EXOSC4: variants seen among roughly 807,000 people sequenced by gnomAD.
The protein encoded by EXOSC4 is exosome component 4.
EXOSC4 carries 14 observed loss-of-function variants against 20.0 expected under a neutral mutation model. The observed-to-expected ratio is 0.70, with a 90% CI of 0.46 to 1.09. EXOSC4 has a LOEUF of 1.09. EXOSC4 is among the 50% of genes least tolerant of loss of function. The pLI is 0.00. For missense variants in EXOSC4, 337 were observed against 334.0 expected, an observed-to-expected ratio of 1.01 and a Z score of -0.07; for synonymous variants, 148 against 146.4, an observed-to-expected ratio of 1.01 and a Z score of -0.08.
upstream of EXOSC4, among the ~76,000 whole-genome samples, chr8:144,077,282 G>C (rs1229614053): frequency 6.6e-6 from 1 of 152,056 alleles, no homozygotes; most frequent in Non-Finnish European, 1.5e-5. Context: ...CGAAAAAAAC[G>C]ATGACTCAGT....
Position 144,078,973 on chromosome 8 carries a change from G to A in EXOSC4, c.171+74G>A. On this transcript the variant is annotated intron_variant, in intron 1 of 2. Transcript: ENST00000316052. This position sits in a 1 kb window ranked among gnomAD's most constrained non-coding sequence, Gnocchi z 4.7. ...GGCAGCCGGGCTGAGCGCTGGCTCG[G>A]GGACTTGAGGGGCAACGGCCGGCGC... The A allele has an allele frequency of 7.4e-7, 1 of 1,356,738 alleles. No individual in the cohort carries two copies. The highest frequency in any genetic ancestry group is 9.5e-7 in the Non-Finnish European group (1 of 1,052,358). 84.0% of individuals were successfully genotyped at this position (1,356,738 alleles called of 1,614,324 possible).
chr8:144,075,885 G>C (rs1259624405), upstream of EXOSC4, among the ~76,000 whole-genome samples: 1 of 152,184 alleles, frequency 6.6e-6, no homozygotes, highest in Admixed American at 6.5e-5. Context: ...CTTAGTTTTG[G>C]ATATACAATT....
chr8:144,067,787 C>A, the EXOSC4 span, among the ~76,000 whole-genome samples: 2 of 152,358 alleles, frequency 1.3e-5, no homozygotes, highest in East Asian at 1.9e-4. Flanking sequence ...GCGGATGGAT[C>A]ACCTGAGGTC....
the EXOSC4 span, among the ~76,000 whole-genome samples, chr8:144,064,840 CTTT>C: frequency 2.2e-5 from 3 of 136,682 alleles, no homozygotes; most frequent in Non-Finnish European, 3.2e-5. Context: ...TCCAATCTGT[CTTT>C]TTTTTTTTTT....
chr8:144,068,250 C>G, the EXOSC4 span, among the ~76,000 whole-genome samples: 1 of 152,188 alleles, frequency 6.6e-6, no homozygotes, highest in African/African-American at 2.4e-5. Context: ...AGCATAAATT[C>G]CTGTTCCCCT....
At chr8:144,075,229 ATTT>A (rs782139585), upstream of EXOSC4, among the ~76,000 whole-genome samples, 1 of 132,070 alleles carries the variant, frequency 7.6e-6, no homozygotes, top group Non-Finnish European at 1.7e-5. Context: ...TGTCCAGTTA[ATTT>A]TTTTTTTTTT....
At chr8:144,079,548 G>A (rs781988016) in intron 1 of EXOSC4, 1 of 367,824 alleles carries the variant, frequency 2.7e-6, no homozygotes, top group Non-Finnish European at 5.3e-6. Context: ...GGGAAAGAGG[G>A]GATAACTCCA....
the EXOSC4 span, among the ~76,000 whole-genome samples, chr8:144,070,813 A>G: frequency 6.6e-6 from 1 of 152,052 alleles, no homozygotes; most frequent in South Asian, 2.1e-4. Context: ...GGGCAACAAC[A>G]GCAAAACTCC....
upstream of EXOSC4, among the ~76,000 whole-genome samples, chr8:144,074,213 C>G (rs1835816407): frequency 6.6e-6 from 1 of 152,172 alleles, no homozygotes; most frequent in African/African-American, 2.4e-5. Context: ...TAAACACAAC[C>G]AGCTAAAACT....
At chr8:144,066,177 T>G in the EXOSC4 span, among the ~76,000 whole-genome samples, 1 of 151,642 alleles carries the variant, frequency 6.6e-6, no homozygotes, top group Non-Finnish European at 1.5e-5. Flanking sequence ...CCACCACACC[T>G]GGCTGATTTT....
the EXOSC4 span, among the ~76,000 whole-genome samples, chr8:144,070,382 G>T: frequency 4.6e-5 from 7 of 151,984 alleles, no homozygotes; most frequent in Non-Finnish European, 8.8e-5. Flanking sequence ...AATTGCGCTG[G>T]GTGTGGTGGC....
At chr8:144,079,477 G>A in intron 1 of EXOSC4, 1 of 338,366 alleles carries the variant, frequency 3.0e-6, no homozygotes, top group Non-Finnish European at 5.8e-6. Flanking sequence ...AACCAGAAGG[G>A]CGAAGACCAC....
chr8:144,074,778 T>G (rs1286032626), upstream of EXOSC4, among the ~76,000 whole-genome samples: 1 of 152,180 alleles, frequency 6.6e-6, no homozygotes, highest in African/African-American at 2.4e-5. Flanking sequence ...GTCACTATGT[T>G]GCCCAGGCTG....
chr8:144,079,873 A>G, intron 1 of EXOSC4, 70 bp from the exon 2 acceptor site: 10 of 1,433,710 alleles, frequency 7.0e-6, no homozygotes, highest in African/African-American at 1.4e-5. Context: ...AGGGAGAGGC[A>G]GACCCACAGA....
upstream of EXOSC4, among the ~76,000 whole-genome samples, chr8:144,073,966 G>T (rs782125173): frequency 6.6e-6 from 1 of 152,168 alleles, no homozygotes; most frequent in Non-Finnish European, 1.5e-5. Context: ...TAGTGGCACA[G>T]TCTGCTGAAG....
chr8:144,078,669 G>C, upstream of EXOSC4: 1 of 1,350,060 alleles, frequency 7.4e-7, no homozygotes, highest in Non-Finnish European at 9.6e-7. The surrounding 1 kb of genome is among the most constrained non-coding windows in gnomAD (Gnocchi z 4.7). Flanking sequence ...GCCGCCGGGA[G>C]CTGTAGTTCT....
chr8:144,066,586 T>C, the EXOSC4 span, among the ~76,000 whole-genome samples: 1 of 151,672 alleles, frequency 6.6e-6, no homozygotes, highest in Non-Finnish European at 1.5e-5. Flanking sequence ...GGACTACAGG[T>C]GTGTGCCACC....
chr8:144,071,074 G>A, the EXOSC4 span, among the ~76,000 whole-genome samples: 1 of 151,750 alleles, frequency 6.6e-6, no homozygotes, highest in African/African-American at 2.4e-5. Flanking sequence ...TAAACAACAT[G>A]AAAAAACAGC....
At chr8:144,068,718 C>T in the EXOSC4 span, among the ~76,000 whole-genome samples, 5 of 152,216 alleles carry the variant, frequency 3.3e-5, no homozygotes, top group African/African-American at 9.6e-5. Context: ...CTGCTTCCCC[C>T]GGTCCCTGGC....
Sources: allele counts gnomAD v4.1 joint callset (sites outside exome capture counted in the v4.1 genomes callset), GRCh38; gene constraint gnomAD v4.1.1; non-coding constraint Gnocchi (gnomAD v3.1); transcripts MANE v1.5; gene names NCBI Gene and HGNC (gene_info 2026-07-23, HGNC 2026-07-21).